Variants in DAB1 observed in about 807,000 individuals in gnomAD.
DAB1 encodes the protein DAB adaptor protein 1, also known as disabled homolog 1.
Under a neutral mutation model 64.6 loss-of-function variants are expected in DAB1, and 15 were observed. The ratio of observed to expected loss-of-function variants is 0.23; its 90% CI spans 0.16 to 0.36. The LOEUF is 0.36. DAB1 is among the 10% of genes least tolerant of loss of function. DAB1 has a pLI of 1.00. For missense variants in DAB1, 596 were observed against 706.7 expected (o/e 0.84, Z 1.78); for synonymous variants, 235 against 251.9 (o/e 0.93, Z 0.64).
intron 9 of DAB1, among the ~76,000 whole-genome samples, chr1:57,039,851 G>A (rs1014919108): frequency 6.6e-6 from 1 of 152,210 alleles, no homozygotes; most frequent in African/African-American, 2.4e-5. Flanking sequence ...TAAAGGAAAG[G>A]AGATATCAAT....
intron 1 of DAB1, among the ~76,000 whole-genome samples, chr1:57,329,308 C>T (rs1026862689): frequency 1.1e-4 from 17 of 152,306 alleles, no homozygotes; most frequent in Admixed American, 9.8e-4. Flanking sequence ...ATGAGAAGCC[C>T]TTGAGAACTC....
intron 1 of DAB1, among the ~76,000 whole-genome samples, chr1:57,834,754 T>C (rs1652737774): frequency 6.6e-6 from 1 of 151,904 alleles, no homozygotes; most frequent in South Asian, 2.1e-4. Context: ...ATACATAAAA[T>C]ATGATAAAAG....
intron 5 of DAB1, among the ~76,000 whole-genome samples, chr1:58,073,701 A>G (rs906860732): frequency 2.6e-5 from 4 of 152,218 alleles, no homozygotes; most frequent in Non-Finnish European, 5.9e-5. Flanking sequence ...TTCAGGTAGA[A>G]TTTGGAATGG....
chr1:57,418,723 A>C (rs1234770720), intron 1 of DAB1, among the ~76,000 whole-genome samples: 1 of 152,170 alleles, frequency 6.6e-6, no homozygotes, highest in East Asian at 1.9e-4. Flanking sequence ...CTGGCATTGC[A>C]GATTGGTTAT....
intron 2 of DAB1, among the ~76,000 whole-genome samples, chr1:58,527,051 G>A (rs956991166): frequency 7.9e-5 from 12 of 152,124 alleles, no homozygotes; most frequent in African/African-American, 2.9e-4. Context: ...GCATAATACA[G>A]CTTCAAATAT....
intron 4 of DAB1, among the ~76,000 whole-genome samples, chr1:57,077,970 A>G (rs1217855040): frequency 2.0e-5 from 3 of 152,228 alleles, no homozygotes; most frequent in Non-Finnish European, 4.4e-5. Flanking sequence ...ATAAAAATAG[A>G]TACATGAAAA....
At chr1:57,526,345 A>G (rs1381709215) in intron 7 of DAB1, among the ~76,000 whole-genome samples, 1 of 152,202 alleles carries the variant, frequency 6.6e-6, no homozygotes, top group Non-Finnish European at 1.5e-5. Context: ...AAATTTGTTC[A>G]TTTTGCAAGA....
At chr1:57,371,287 T>C (rs1474112036) in intron 1 of DAB1, among the ~76,000 whole-genome samples, 1 of 152,180 alleles carries the variant, frequency 6.6e-6, no homozygotes, top group African/African-American at 2.4e-5. Flanking sequence ...TCACTGACTG[T>C]TGAAATCGCC....
intron 5 of DAB1, among the ~76,000 whole-genome samples, chr1:57,932,025 C>T (rs560681374): frequency 1.1e-3 from 165 of 152,248 alleles, no homozygotes; most frequent in African/African-American, 3.9e-3. Context: ...CCGCAACCCA[C>T]AAATTTTGAT....
intron 2 of DAB1, among the ~76,000 whole-genome samples, chr1:57,269,050 C>T (rs1379094600): frequency 6.6e-6 from 1 of 151,968 alleles, no homozygotes; most frequent in Non-Finnish European, 1.5e-5. Flanking sequence ...TTAGAGAGAT[C>T]GAGAGAGGGC....
At chr1:57,900,081 G>C (rs2101993520) in intron 5 of DAB1, among the ~76,000 whole-genome samples, 1 of 152,232 alleles carries the variant, frequency 6.6e-6, no homozygotes, top group South Asian at 2.1e-4. Context: ...TGAGATTCCA[G>C]GTATGAGCCA....
chr1:57,744,693 AAAG>A (rs1399154478), intron 6 of DAB1, among the ~76,000 whole-genome samples: 9 of 152,300 alleles, frequency 5.9e-5, no homozygotes, highest in African/African-American at 2.2e-4. Flanking sequence ...TCCTCTGAAC[AAAG>A]AAGATTCGAT....
intron 7 of DAB1, among the ~76,000 whole-genome samples, chr1:57,540,763 C>T (rs1226000789): frequency 6.6e-6 from 1 of 152,084 alleles, no homozygotes; most frequent in African/African-American, 2.4e-5. Context: ...AGATCATAAG[C>T]TGATCTCATG....
At chr1:58,230,796 C>T (rs1443940785) in intron 4 of DAB1, among the ~76,000 whole-genome samples, 1 of 152,232 alleles carries the variant, frequency 6.6e-6, no homozygotes, top group Non-Finnish European at 1.5e-5. Context: ...ACAGGTTGAA[C>T]ATCCACAATT....
At chr1:58,327,297 G>A (rs1205232633) in intron 4 of DAB1, among the ~76,000 whole-genome samples, 2 of 152,084 alleles carry the variant, frequency 1.3e-5, no homozygotes, top group East Asian at 3.9e-4. Context: ...GAAAGGGAGG[G>A]AGGAAGGAAG....
intron 2 of DAB1, among the ~76,000 whole-genome samples, chr1:57,249,326 C>T (rs916992814): frequency 1.3e-5 from 2 of 152,170 alleles, no homozygotes; most frequent in African/African-American, 2.4e-5. Context: ...ATAAAACCCC[C>T]AACCTCATAA....
intron 8 of DAB1, among the ~76,000 whole-genome samples, chr1:57,064,981 GAAAA>G (rs1192609531): frequency 3.3e-5 from 5 of 152,088 alleles, no homozygotes; most frequent in Non-Finnish European, 5.9e-5. Flanking sequence ...CCTTTACTGA[GAAAA>G]ATGAAGAACA....
chr1:57,179,765 C>T (rs1662714675), intron 2 of DAB1, among the ~76,000 whole-genome samples: 1 of 152,052 alleles, frequency 6.6e-6, no homozygotes, highest in Non-Finnish European at 1.5e-5. Context: ...GCACCTGAGA[C>T]AATGATTAGC....
chr1:57,586,189 T>C (rs1322069357), intron 7 of DAB1, among the ~76,000 whole-genome samples: 2 of 152,126 alleles, frequency 1.3e-5, no homozygotes, highest in African/African-American at 4.8e-5. Flanking sequence ...ATGCTCAGAA[T>C]AGTGGGATCT....
Sources: gnomAD v4.1 joint callset for allele counts (sites outside exome capture counted in the v4.1 genomes callset) on GRCh38, gnomAD v4.1.1 for gene constraint, MANE v1.5 for transcripts, NCBI Gene and HGNC (gene_info 2026-07-23, HGNC 2026-07-21) for gene names.